The following CPS1 variants were observed in gnomAD, a reference collection of about 807,000 sequenced individuals.
The protein encoded by CPS1 is carbamoyl-phosphate synthase 1.
Under a neutral mutation model 174.6 loss-of-function variants are expected in CPS1, and 109 were observed. The ratio of observed to expected loss-of-function variants is 0.62; its 90% CI spans 0.53 to 0.73. The LOEUF is 0.73. CPS1 is among the 30% of genes least tolerant of loss of function. The pLI, the probability that CPS1 is intolerant of heterozygous loss-of-function variation, is 0.00. For synonymous variants in CPS1, 637 were observed against 632.0 expected (o/e 1.01, Z -0.12); for missense variants, 1,689 against 1,821.9 (o/e 0.93, Z 1.33).
intron 34 of CPS1, chr2:210,672,797 C>T (rs1701356252): frequency 6.6e-6 from 1 of 152,138 alleles, no homozygotes; most frequent in East Asian, 1.9e-4. Context: ...CTGAGCCTGC[C>T]TCAGCTGAAA....
At chr2:210,672,697 T>A (rs573884706) in intron 34 of CPS1, 19 of 152,316 alleles carry the variant, frequency 1.2e-4, no homozygotes, top group African/African-American at 4.6e-4. Context: ...CTAAGCTCAT[T>A]TCTTTCTGTT....
intron 2 of CPS1, 89 bp downstream of exon 2, chr2:210,573,496 C>A (rs764529211): frequency 4.0e-6 from 4 of 1,008,298 alleles, no homozygotes; most frequent in Non-Finnish European, 4.7e-6. Flanking sequence ...GAAATCACTG[C>A]ATCGTAGTAA....
chr2:210,599,874 T>C (rs563378581), intron 14 of CPS1, among the ~76,000 whole-genome samples: 1 of 152,064 alleles, frequency 6.6e-6, no homozygotes, highest in South Asian at 2.1e-4. Context: ...TGAGAACTAT[T>C]ATGAATGAAA....
rs985920134 is a variant in CPS1, at chr2:210,577,381, C to T, written c.382-40C>T. ...TTGACTCACAAGAGTTGGATAATAT[C>T]TTGTGATAACCTCTTTAAAATGACT... is the stretch of plus-strand genomic sequence containing the variant. On this transcript the variant is annotated intron_variant, in intron 3 of 37. Transcript: ENST00000233072. 12 of 1,469,768 alleles carry T rather than the reference C, an allele frequency of 8.2e-6. No individual in the cohort carries two copies. The South Asian group carries it at 1.0e-4, about 12-fold the overall frequency. The allele number at this position is 1,469,768 out of a possible 1,614,324, so 91.0% of individuals were successfully genotyped here. A position where few individuals can be genotyped will look rare whatever the true frequency, so the allele number is the denominator to read the frequency against.
intron 29 of CPS1, 103 bp from the exon 30 acceptor site, chr2:210,656,422 T>C: frequency 1.3e-6 from 1 of 778,678 alleles, no homozygotes; most frequent in Non-Finnish European, 2.3e-6. Flanking sequence ...TACTTAGTGC[T>C]CAGTGCATCT....
chr2:210,493,458 G>A (rs1311713218), intron 1 of CPS1, among the ~76,000 whole-genome samples: 1 of 152,206 alleles, frequency 6.6e-6, no homozygotes, highest in Non-Finnish European at 1.5e-5. Flanking sequence ...GTTTCTGAGT[G>A]AGATGAACAA....
Position 210,513,075 on chromosome 2 carries a change from GAT to G in CPS1, c.3+35318_3+35319del, listed in dbSNP as rs1252606137. ...ATATATATGGAGATATATATGTGGA[GAT>G]ATATATATGGAGATACATATATATG... On this transcript the variant is annotated intron_variant, in intron 1 of 38. Coordinates refer to the CPS1 transcript ENST00000430249. 1.5e-5 allele frequency among the ~76,000 whole-genome samples: 2 copies of G among 130,174 alleles called. 1 individual carries two copies. Among genetic ancestry groups the G allele is most frequent in the African/African-American group, 5.6e-5 (2 of 35,600 alleles). The allele number at this position is 130,174 out of a possible 152,430, so 85.4% of individuals were successfully genotyped here.
intron 1 of CPS1, among the ~76,000 whole-genome samples, chr2:210,497,091 A>G (rs1366459996): frequency 6.6e-6 from 1 of 152,172 alleles, no homozygotes; most frequent in East Asian, 1.9e-4. Context: ...ATTAAGGGGT[A>G]TCTTCTTGTA....
chr2:210,484,428 A>G (rs1264803725), intron 1 of CPS1, among the ~76,000 whole-genome samples: 1 of 152,212 alleles, frequency 6.6e-6, no homozygotes, highest in Non-Finnish European at 1.5e-5. Flanking sequence ...ATAGAGAGCC[A>G]TGGAATGATT....
At chr2:210,539,630 TGC>T (rs1188403230) in intron 1 of CPS1, among the ~76,000 whole-genome samples, 1 of 152,176 alleles carries the variant, frequency 6.6e-6, no homozygotes, top group Non-Finnish European at 1.5e-5. Flanking sequence ...GATTTAGTGG[TGC>T]AGAAGGAAAG....
intron 1 of CPS1, among the ~76,000 whole-genome samples, chr2:210,550,849 A>G (rs72934377): frequency 0.011 from 1,644 of 152,028 alleles, 18 homozygotes; most frequent in Middle Eastern, 0.017. Context: ...GAAGATTGAA[A>G]GACTTTGCTT....
chr2:210,638,459 C>G (rs1257601850), intron 22 of CPS1, among the ~76,000 whole-genome samples: 2 of 152,048 alleles, frequency 1.3e-5, no homozygotes, highest in Non-Finnish European at 2.9e-5. Flanking sequence ...GGTTTTTGTC[C>G]TTTAAAATCA....
intron 28 of CPS1, among the ~76,000 whole-genome samples, chr2:210,652,317 A>G (rs1214592867): frequency 1.3e-5 from 2 of 152,222 alleles, no homozygotes; most frequent in Non-Finnish European, 2.9e-5. Context: ...AATTTTAGTC[A>G]TATTTTTTAT....
At chr2:210,647,757 C>T in intron 25 of CPS1, 106 bp from the exon 26 acceptor site, 2 of 1,354,802 alleles carry the variant, frequency 1.5e-6, no homozygotes, top group Non-Finnish European at 2.1e-6. Flanking sequence ...GTAAATATCA[C>T]AGTCAGGTTA....
At chr2:210,668,776 C>T (rs1222335346) in intron 34 of CPS1, among the ~76,000 whole-genome samples, 2 of 152,076 alleles carry the variant, frequency 1.3e-5, no homozygotes, top group Admixed American at 1.3e-4. Flanking sequence ...CATCCTCAGC[C>T]ATCCCATATT....
chr2:210,484,928 G>T (rs980050238), intron 1 of CPS1, among the ~76,000 whole-genome samples: 2 of 152,112 alleles, frequency 1.3e-5, no homozygotes, highest in African/African-American at 4.8e-5. Context: ...TTCAGTAACA[G>T]TTTTTAAAAA....
At chr2:210,559,439 G>C (rs368484814) in intron 1 of CPS1, among the ~76,000 whole-genome samples, 1 of 152,192 alleles carries the variant, frequency 6.6e-6, no homozygotes, top group East Asian at 1.9e-4. Flanking sequence ...CTGGGTATTT[G>C]TCAGCGGCTA....
intron 1 of CPS1, among the ~76,000 whole-genome samples, 183 bp from the exon 2 acceptor site, chr2:210,573,115 T>TA (rs1346119932): frequency 1.3e-5 from 2 of 152,084 alleles, no homozygotes; most frequent in African/African-American, 2.4e-5. Context: ...ATCTGCCAGT[T>TA]ACAAGAGCTA....
Position 210,651,568 on chromosome 2 carries a change from C to T in CPS1, c.3480+1130C>T, listed in dbSNP as rs1313029044. Among the ~76,000 whole-genome samples, 5 of 152,316 alleles carry T rather than the reference C, an allele frequency of 3.3e-5. No homozygotes were observed. In the East Asian group the frequency reaches 9.6e-4, roughly 29 times the overall value. ...GCTGGCTACTGTACTCAGCTGGTCTCATGTGAGTGATGAGGCAGGTGTCCC... is the reference window on the plus strand; with the variant it reads ...GCTGGCTACTGTACTCAGCTGGTCTTATGTGAGTGATGAGGCAGGTGTCCC... On this transcript the variant is annotated intron_variant, in intron 28 of 37. Transcript: ENST00000233072.
Sources: gnomAD v4.1 joint callset for allele counts (sites outside exome capture counted in the v4.1 genomes callset) on GRCh38, gnomAD v4.1.1 for gene constraint, MANE v1.5 for transcripts, NCBI Gene and HGNC (gene_info 2026-07-23, HGNC 2026-07-21) for gene names.